Variants in CDH13 observed in about 807,000 individuals in gnomAD.
The protein encoded by CDH13 is cadherin 13.
Under a neutral mutation model 63.8 loss-of-function variants are expected in CDH13, and 24 were observed. The ratio of observed to expected loss-of-function variants is 0.38; its 90% confidence interval spans 0.27 to 0.53. CDH13 has a LOEUF of 0.53. Among genes scored for constraint, CDH13 ranks in the 20% least tolerant of loss-of-function variants. The pLI is 0.85. For missense variants in CDH13, 1,049 were observed against 903.1 expected (o/e 1.16, Z -2.07); for synonymous variants, 503 against 355.3 (o/e 1.42, Z -4.67).
At chr16:82,853,352 A>G (rs867417201) in intron 1 of CDH13, among the ~76,000 whole-genome samples, 12 of 152,354 alleles carry the variant, frequency 7.9e-5, no homozygotes, top group African/African-American at 1.7e-4. Flanking sequence ...TAGTTTGTCA[A>G]TGTCTACCCT....
chr16:82,779,354 C>A (rs12920400), intron 1 of CDH13, among the ~76,000 whole-genome samples: 37,392 of 152,056 alleles, frequency 0.25, 5,083 homozygotes, highest in East Asian at 0.52. Context: ...AACTATCCAG[C>A]CAGAAAGAGC....
intron 3 of CDH13, among the ~76,000 whole-genome samples, chr16:83,056,071 A>G (rs1040325740): frequency 6.6e-6 from 1 of 152,242 alleles, no homozygotes; most frequent in South Asian, 2.1e-4. Context: ...ACAAAAGAGG[A>G]TATCTACATG....
intron 1 of CDH13, among the ~76,000 whole-genome samples, chr16:82,783,380 C>T (rs2035856564): frequency 1.3e-5 from 2 of 152,200 alleles, no homozygotes; most frequent in African/African-American, 4.8e-5. Flanking sequence ...GCTGCATCAT[C>T]ATTAACTCAG....
intron 8 of CDH13, among the ~76,000 whole-genome samples, chr16:83,656,625 A>AAGG (rs1350800796): frequency 2.0e-5 from 3 of 152,168 alleles, no homozygotes; most frequent in Admixed American, 6.5e-5. Flanking sequence ...TTACCCTTGA[A>AAGG]TGGTAAAGGT....
intron 8 of CDH13, among the ~76,000 whole-genome samples, chr16:83,608,982 AG>A (rs1346825379): frequency 2.0e-5 from 3 of 152,356 alleles, no homozygotes; most frequent in African/African-American, 7.2e-5. Flanking sequence ...TTCTTCTAGC[AG>A]GGTTGATAGA....
At chr16:83,691,649 T>A (rs1904898060) in intron 10 of CDH13, among the ~76,000 whole-genome samples, 2 of 152,014 alleles carry the variant, frequency 1.3e-5, no homozygotes, top group African/African-American at 4.8e-5. Flanking sequence ...TGCTGTTAAC[T>A]TGGCAGCCCG....
chr16:82,665,430 C>A (rs1382204516), intron 1 of CDH13, among the ~76,000 whole-genome samples: 1 of 152,120 alleles, frequency 6.6e-6, no homozygotes, highest in Non-Finnish European at 1.5e-5. Context: ...TGAACTGTGA[C>A]CAGAGGCTCA....
chr16:83,045,498 G>A (rs528163494), intron 3 of CDH13, among the ~76,000 whole-genome samples: 37 of 152,000 alleles, frequency 2.4e-4, no homozygotes, highest in Non-Finnish European at 4.6e-4. Flanking sequence ...TTATCCAGGC[G>A]TGGTGGCAGG....
chr16:82,909,732 G>T (rs890520532), intron 2 of CDH13, among the ~76,000 whole-genome samples: 1 of 151,972 alleles, frequency 6.6e-6, no homozygotes, highest in Non-Finnish European at 1.5e-5. Flanking sequence ...CCTCCCACCG[G>T]GTTCCTCCCA....
chr16:83,514,060 A>G (rs973428071), intron 7 of CDH13, among the ~76,000 whole-genome samples: 3 of 152,206 alleles, frequency 2.0e-5, no homozygotes, highest in Admixed American at 6.5e-5. Context: ...TCGTAGGAAT[A>G]CAACCTGGAC....
At chr16:83,430,157 C>T (rs990462163) in intron 6 of CDH13, among the ~76,000 whole-genome samples, 8 of 152,144 alleles carry the variant, frequency 5.3e-5, no homozygotes, top group African/African-American at 9.7e-5. Flanking sequence ...ATCTTGAGGA[C>T]GTATTAGGGC....
chr16:82,914,276 C>A (rs889276201), intron 2 of CDH13, among the ~76,000 whole-genome samples: 1 of 152,134 alleles, frequency 6.6e-6, no homozygotes, highest in African/African-American at 2.4e-5. Flanking sequence ...GCTTAAGAAG[C>A]ATTGAGTCCT....
intron 6 of CDH13, among the ~76,000 whole-genome samples, chr16:83,434,166 G>T (rs568023133): frequency 6.6e-6 from 1 of 152,186 alleles, no homozygotes; most frequent in East Asian, 1.9e-4. Flanking sequence ...CCACCTTGCC[G>T]CTCAGGTTAT....
At chr16:83,672,059 T>C (rs1175823680) in intron 9 of CDH13, among the ~76,000 whole-genome samples, 1 of 152,216 alleles carries the variant, frequency 6.6e-6, no homozygotes, top group Non-Finnish European at 1.5e-5. Context: ...TTTATAGTGA[T>C]AGTACCAGTG....
rs1449340422 is a variant in CDH13, at chr16:82,627,112, T to C, written c.20T>C (p.Leu7Pro). 6.2e-7 allele frequency: 1 copy of C among 1,606,630 alleles called. No homozygotes were observed. Among genetic ancestry groups the C allele is most frequent in the Middle Eastern group, 1.7e-4 (1 of 5,916 alleles). Residue 7 changes from leucine to proline, a missense_variant, in exon 1 of 14, where the codon CTC (leucine) becomes CCC (proline). Physicochemically the swap from Leu to Pro is moderately conservative, Grantham distance 98. Coordinates refer to ENST00000567109, the MANE Select transcript of CDH13 (RefSeq NM_001257.5). Reference protein sequence around the residue: MQPRTPLVLCVLLSQVL... With the variant: MQPRTPPVLCVLLSQVL... Reference sequence around the variant, plus strand: ...GACAAAATGCAGCCGAGAACTCCGCTCGTTCTGTGCGTTCTCCTGTCCCAG... The same window carrying C: ...GACAAAATGCAGCCGAGAACTCCGCCCGTTCTGTGCGTTCTCCTGTCCCAG...
At chr16:83,211,674 A>G (rs1282422899) in intron 4 of CDH13, among the ~76,000 whole-genome samples, 2 of 152,108 alleles carry the variant, frequency 1.3e-5, no homozygotes, top group African/African-American at 4.8e-5. Context: ...CAAATCAAGG[A>G]GTCACTACCT....
intron 10 of CDH13, among the ~76,000 whole-genome samples, chr16:83,694,124 C>G (rs1284609901): frequency 6.6e-6 from 1 of 152,164 alleles, no homozygotes; most frequent in Non-Finnish European, 1.5e-5. Flanking sequence ...GATAGAAAAC[C>G]AGAAGACAGA....
intron 2 of CDH13, among the ~76,000 whole-genome samples, chr16:82,894,454 C>A (rs918109451): frequency 6.6e-6 from 1 of 152,078 alleles, no homozygotes; most frequent in Non-Finnish European, 1.5e-5. Flanking sequence ...CCAGCCTGGC[C>A]AAAATGGTGA....
At chr16:83,396,273 TG>T (rs1349560501) in intron 6 of CDH13, among the ~76,000 whole-genome samples, 3 of 152,170 alleles carry the variant, frequency 2.0e-5, no homozygotes, top group African/African-American at 7.2e-5. Context: ...AGCTATAAAA[TG>T]GGGGTAATCC....
Sources: gnomAD v4.1 joint callset for allele counts (sites outside exome capture counted in the v4.1 genomes callset) on GRCh38, gnomAD v4.1.1 for gene constraint, MANE v1.5 for transcripts, NCBI Gene and HGNC (gene_info 2026-07-23, HGNC 2026-07-21) for gene names.